HBP1: variants seen among roughly 807,000 people sequenced by gnomAD.
The protein encoded by HBP1 is HMG box-containing protein 1.
Under a neutral mutation model 62.6 loss-of-function variants are expected in HBP1, and 20 were observed. That is an observed-to-expected ratio of 0.32 (90% CI 0.22 to 0.46). HBP1 has a LOEUF of 0.46. HBP1 is among the 20% of genes least tolerant of loss of function. The pLI is 1.00. For synonymous variants in HBP1, 232 were observed against 206.2 expected (o/e 1.12, Z -1.07); for missense variants, 480 against 611.8 (o/e 0.78, Z 2.27).
chr7:107,190,365 C>G, intron 8 of HBP1, 48 bp downstream of exon 8: 1 of 1,298,714 alleles, frequency 7.7e-7, no homozygotes, highest in African/African-American at 1.5e-5. Context: ...AAAGTTTGCC[C>G]TTCATTTCCC....
At chr7:107,192,415 TGTA>T (rs375107024) in intron 8 of HBP1, 5 of 152,112 alleles carry the variant, frequency 3.3e-5, no homozygotes, top group African/African-American at 1.2e-4. Context: ...CTAATGCTAC[TGTA>T]GTATTTATAT....
At chr7:107,185,610 G>A (rs1797315445) in intron 3 of HBP1, among the ~76,000 whole-genome samples, 191 bp from the exon 4 acceptor site, 1 of 152,170 alleles carries the variant, frequency 6.6e-6, no homozygotes, top group Non-Finnish European at 1.5e-5. Flanking sequence ...TGTCTAAAAT[G>A]TGTGAGGAGG....
Position 107,189,335 on chromosome 7 carries a change from G to A in HBP1, c.809G>A (p.Ser270Asn). The A allele has an allele frequency of 6.2e-7, 1 of 1,613,058 alleles. No individual in the cohort carries two copies. Among genetic ancestry groups the A allele is most frequent in the South Asian group, 1.1e-5 (1 of 91,058 alleles). ...CTAAAGTTGTTATCACATGAAGAAAGTGTATCATTTGGCGAGTCTGTACTG... is the reference window on the plus strand; with the variant it reads ...CTAAAGTTGTTATCACATGAAGAAAATGTATCATTTGGCGAGTCTGTACTG... ...DGLKLLSHEE[S>N]VSFGESVLKL... Residue 270 changes from serine to asparagine, a missense_variant, in exon 7 of 11, where the codon AGT becomes AAT. Ser to Asn is a conservative substitution (Grantham distance 46, BLOSUM62 1). Around this residue, in one of 4 missense-constraint regions of HBP1, gnomAD observed 304 missense variants for 330.9 expected, o/e 0.92. Coordinates refer to ENST00000222574, the MANE Select transcript of HBP1 (RefSeq NM_012257.4).
intron 10 of HBP1, 88 bp from the exon 11 acceptor site, chr7:107,201,326 T>TAAAC: frequency 1.3e-6 from 1 of 757,170 alleles, no homozygotes; most frequent in Non-Finnish European, 2.2e-6. Context: ...AGTAAATTTA[T>TAAAC]AAACATCTTA....
intron 1 of HBP1, among the ~76,000 whole-genome samples, chr7:107,178,917 C>G (rs903252646): frequency 5.3e-5 from 8 of 152,208 alleles, no homozygotes; most frequent in South Asian, 2.1e-4. Context: ...GCCTGTAATC[C>G]CAGCTACTAG....
chr7:107,186,547 G>T (rs2066759), intron 5 of HBP1, 22 bp from the exon 6 acceptor site: 1 of 1,567,868 alleles, frequency 6.4e-7, no homozygotes, highest in Non-Finnish European at 8.8e-7. Context: ...TGTCTAATAC[G>T]TGTTTTCTAC....
Position 107,190,158 on chromosome 7 carries a change from ATTGT to A in HBP1, c.923-12_923-9del. ...TGTGAGTCCTCATCCTTTATGCAAC[ATTGT>A]TTAACTTTAGGTTGGTCATCATTTT... On this transcript the variant is annotated splice_polypyrimidine_tract_variant and intron_variant, in intron 7 of 10. Transcript: ENST00000222574. 1.3e-6 allele frequency: 2 copies of A among 1,595,494 alleles called. No homozygotes were observed. The highest frequency in any genetic ancestry group is 2.7e-5 in the African/African-American group (2 of 74,218).
chr7:107,199,070 A>G (rs1322009542), intron 9 of HBP1, among the ~76,000 whole-genome samples: 1 of 152,272 alleles, frequency 6.6e-6, no homozygotes, highest in African/African-American at 2.4e-5. Context: ...CAAATGGAAT[A>G]TAAAAATTGG....
intron 6 of HBP1, among the ~76,000 whole-genome samples, chr7:107,187,453 GGA>G (rs1188968927): frequency 6.6e-5 from 10 of 152,112 alleles, no homozygotes; most frequent in Non-Finnish European, 1.3e-4. Context: ...AGCAATATTA[GGA>G]TAAAGTTGAC....
In HBP1 at chr7:107,185,869, C is replaced by T. The variant is rs765184853; in HGVS notation, c.467C>T (p.Ser156Phe). Residue 156 changes from serine (S) to phenylalanine (F), a missense_variant, in exon 4 of 11, where the codon TCC becomes TTC. Ser to Phe is a radical substitution (Grantham distance 155). This residue lies in a region of HBP1 where 304 missense variants were observed against 330.9 expected (regional missense o/e 0.92). Coordinates refer to ENST00000222574, the MANE Select transcript of HBP1 (RefSeq NM_012257.4). ...LHSYARPPPVSSSSKSEPAFP... is the reference protein window; with the variant it reads ...LHSYARPPPVFSSSKSEPAFP... ...TCCTATGCACGCCCTCCACCAGTGT[C>T]CTCTTCTTCGAAGAGTGAACCAGCC... 6.2e-7 allele frequency: 1 copy of T among 1,610,634 alleles called. No individual in the cohort carries two copies. The highest frequency in any genetic ancestry group is 1.7e-5 in the Admixed American group (1 of 60,014).
chr7:107,169,780 A>G, intron 1 of HBP1: 5 of 983,066 alleles, frequency 5.1e-6, no homozygotes, highest in Non-Finnish European at 6.0e-6. Context: ...GGGAAAAACA[A>G]GCCCGGAGTC....
intron 1 of HBP1, chr7:107,169,887 C>G: frequency 1.0e-6 from 1 of 985,562 alleles, no homozygotes; most frequent in Non-Finnish European, 1.2e-6. Flanking sequence ...AGGCACCGCT[C>G]TGTGTGACCC....
intron 2 of HBP1, among the ~76,000 whole-genome samples, chr7:107,182,071 G>A (rs1413305721): frequency 6.6e-6 from 1 of 152,072 alleles, no homozygotes; most frequent in Non-Finnish European, 1.5e-5. Context: ...TAAAGTATGT[G>A]AGTAATAAGT....
chr7:107,182,317 AT>A, intron 2 of HBP1, 55 bp from the exon 3 acceptor site: 1 of 933,928 alleles, frequency 1.1e-6, no homozygotes. Context: ...CAGTTATAAT[AT>A]TGTTCCTTGT....
chr7:107,197,459 T>G (rs1194484829), intron 9 of HBP1, among the ~76,000 whole-genome samples: 2 of 152,044 alleles, frequency 1.3e-5, no homozygotes, highest in Non-Finnish European at 2.9e-5. Context: ...ACTTCTGCCT[T>G]GTGGGTTCAA....
chr7:107,169,065 C>G lies in HBP1; in HGVS notation c.-136C>G, dbSNP rs1393493821. 7.8e-7 allele frequency: 1 copy of G among 1,287,988 alleles called. No individual in the cohort carries two copies. The highest frequency in any genetic ancestry group is 2.3e-5 in the Admixed American group (1 of 43,378). The allele number at this position is 1,287,988 out of a possible 1,614,324, so 79.8% of individuals were successfully genotyped here. On this transcript the variant is annotated 5_prime_UTR_variant, in exon 1 of 11. Coordinates refer to ENST00000222574, the MANE Select transcript of HBP1 (RefSeq NM_012257.4). ...GTTTCGGTTGAGGAGTAAGAGCTGC[C>G]GCGGGAGCAGTAACCCGCGCGGGGG...
At chr7:107,171,067 A>ATTTTTTTTTTTTT (rs1395508929) in intron 1 of HBP1, among the ~76,000 whole-genome samples, 1 of 66,680 alleles carries the variant, frequency 1.5e-5, no homozygotes, top group African/African-American at 1.4e-4. Flanking sequence ...ATATATATAT[A>ATTTTTTTTTTTTT]TATATATTTT....
In HBP1 at chr7:107,182,449, A is replaced by G; in HGVS notation, c.246A>G (p.Ser82=). ...TGTACCAGCTGAGTTCAGATGTTTC[A>G]CATCAAGAATACCCAAGATCATCTT... ...SGMYQLSSDV[S]HQEYPRSSWN... The change falls in exon 3 of 11, where the codon TCA becomes TCG. Residue 82 remains serine (S), a synonymous_variant. Transcript: ENST00000222574. The G allele has an allele frequency of 1.9e-6, 3 of 1,613,470 alleles. No individual in the cohort carries two copies. The highest frequency in any genetic ancestry group is 2.5e-6 in the Non-Finnish European group (3 of 1,179,414).
At chr7:107,170,080 C>CT in intron 1 of HBP1, 1 of 985,274 alleles carries the variant, frequency 1.0e-6, no homozygotes, top group Non-Finnish European at 1.2e-6. Flanking sequence ...CGAGTTCATT[C>CT]TTAGGGAGTT....
Sources: allele counts gnomAD v4.1 joint callset (sites outside exome capture counted in the v4.1 genomes callset), GRCh38; gene constraint gnomAD v4.1.1; regional missense constraint gnomAD v4.1.1; transcripts MANE v1.5; gene names NCBI Gene and HGNC (gene_info 2026-07-23, HGNC 2026-07-21).